The following PDK1 variants were observed in gnomAD, a reference collection of about 807,000 sequenced individuals.
PDK1 encodes [Pyruvate dehydrogenase (acetyl-transferring)] kinase isozyme 1, mitochondrial.
Under a neutral mutation model 54.2 loss-of-function variants are expected in PDK1, and 39 were observed. The ratio of observed to expected loss-of-function variants is 0.72; its 90% CI spans 0.56 to 0.94. The LOEUF is 0.94. PDK1 is among the 40% of genes least tolerant of loss of function. PDK1 has a pLI of 0.00. For synonymous variants in PDK1, 221 were observed against 207.1 expected (o/e 1.07, Z -0.58); for missense variants, 552 against 566.0 (o/e 0.98, Z 0.25).
chr2:172,617,343 G>T, the PDK1 span, among the ~76,000 whole-genome samples: 1 of 151,996 alleles, frequency 6.6e-6, no homozygotes, highest in East Asian at 1.9e-4. Context: ...CTTATTAAAT[G>T]AAATAATTTA....
chr2:172,561,083 A>G (rs906341112), intron 2 of PDK1, among the ~76,000 whole-genome samples: 10 of 152,264 alleles, frequency 6.6e-5, no homozygotes, highest in African/African-American at 2.4e-4. Flanking sequence ...ATAAGTGTGG[A>G]TTAAATGGGA....
chr2:172,695,928 T>C, the PDK1 span, among the ~76,000 whole-genome samples: 1 of 151,882 alleles, frequency 6.6e-6, no homozygotes, highest in Non-Finnish European at 1.5e-5. Context: ...ATCCCAGCAC[T>C]TTGGGAGGCT....
intron 8 of PDK1, among the ~76,000 whole-genome samples, chr2:172,581,730 G>A (rs1456821525): frequency 2.0e-5 from 3 of 151,786 alleles, no homozygotes; most frequent in African/African-American, 7.2e-5. Flanking sequence ...GCTTGGTTTT[G>A]TTTCTTCCCC....
chr2:172,595,142 C>T (rs1690819749), intron 10 of PDK1, among the ~76,000 whole-genome samples: 1 of 152,086 alleles, frequency 6.6e-6, no homozygotes, highest in South Asian at 2.1e-4. Context: ...AATCATAATT[C>T]ACTACAGCCT....
At chr2:172,687,261 GTTTC>G in the PDK1 span, among the ~76,000 whole-genome samples, 1 of 151,202 alleles carries the variant, frequency 6.6e-6, no homozygotes, top group Admixed American at 6.6e-5. Context: ...TGTCTATATT[GTTTC>G]TTCTCTGTAA....
chr2:172,573,505 GTA>G (rs71403316), intron 8 of PDK1, among the ~76,000 whole-genome samples: 2 of 150,460 alleles, frequency 1.3e-5, no homozygotes, highest in East Asian at 3.9e-4. Flanking sequence ...CTATGTGTGT[GTA>G]TATATATACA....
At position 172,607,429 on chromosome 2, in the gene PDK1, C is replaced by G. The variant is rs2149325640; in HGVS notation, c.*11460C>G. On this transcript the variant is annotated 3_prime_UTR_variant, in exon 11 of 11. Coordinates refer to ENST00000282077, the MANE Select transcript of PDK1 (RefSeq NM_002610.5). The stretch of plus-strand genomic sequence containing the variant: ...TCTCTAAGATGTAGTTTGAACCAGC[C>G]AAGGATGATGGCTTCAACATGTCTC... The G allele has an allele frequency of 6.6e-6, 1 of 152,310 alleles. No homozygotes were observed. Among genetic ancestry groups the G allele is most frequent in the South Asian group, 2.1e-4 (1 of 4,830 alleles). The allele number at this position is 152,310 out of a possible 1,614,324, so 9.4% of individuals were successfully genotyped here. A position where few individuals can be genotyped will look rare whatever the true frequency, so the allele number is the denominator to read the frequency against.
chr2:172,680,695 A>C, the PDK1 span, among the ~76,000 whole-genome samples: 2 of 152,094 alleles, frequency 1.3e-5, no homozygotes, highest in African/African-American at 4.8e-5. Flanking sequence ...TGTCTACAGG[A>C]ACCTGTCTGG....
At chr2:172,711,157 C>A in the PDK1 span, among the ~76,000 whole-genome samples, 1 of 152,146 alleles carries the variant, frequency 6.6e-6, no homozygotes, top group African/African-American at 2.4e-5. Context: ...AGCAATTGTC[C>A]TCACTGGCTG....
chr2:172,560,752 T>TC (rs1429384515), intron 2 of PDK1, among the ~76,000 whole-genome samples: 1 of 152,230 alleles, frequency 6.6e-6, no homozygotes, highest in African/African-American at 2.4e-5. Context: ...TGTGATCTCT[T>TC]CCCAAAGATA....
Position 172,603,256 on chromosome 2 carries a change from G to A in PDK1, c.*7287G>A, listed in dbSNP as rs1014157905. The A allele has an allele frequency of 6.6e-6, 1 of 152,176 alleles. No homozygotes were observed. Among genetic ancestry groups the A allele is most frequent in the African/African-American group, 2.4e-5 (1 of 41,434 alleles). 9.4% of individuals were successfully genotyped at this position (152,176 alleles called of 1,614,324 possible). A position where few individuals can be genotyped will look rare whatever the true frequency, so the allele number is the denominator to read the frequency against. On this transcript the variant is annotated 3_prime_UTR_variant, in exon 11 of 11. Coordinates refer to ENST00000282077, the MANE Select transcript of PDK1 (RefSeq NM_002610.5). ...CAGAGCAAATGGCAAGACAGATCTG[G>A]TAATCTGATTCTTAGAGTACTTAAA...
At chr2:172,616,439 AG>A in the PDK1 span, among the ~76,000 whole-genome samples, 1 of 152,230 alleles carries the variant, frequency 6.6e-6, no homozygotes, top group Non-Finnish European at 1.5e-5. Flanking sequence ...AGAACTCCCA[AG>A]AGACTGATAC....
chr2:172,568,608 G>C, intron 6 of PDK1, 133 bp from the exon 7 acceptor site: 1 of 634,126 alleles, frequency 1.6e-6, no homozygotes, highest in South Asian at 1.9e-5. Context: ...TGAAGAAATG[G>C]TGTGGCAGTT....
intron 8 of PDK1, among the ~76,000 whole-genome samples, chr2:172,582,281 C>T (rs1689954824): frequency 6.6e-6 from 1 of 152,192 alleles, no homozygotes; most frequent in African/African-American, 2.4e-5. Context: ...ACAGACTTAA[C>T]AGTGAAAACG....
the PDK1 span, among the ~76,000 whole-genome samples, chr2:172,672,247 T>C: frequency 6.6e-6 from 1 of 152,216 alleles, no homozygotes; most frequent in Admixed American, 6.5e-5. Context: ...AGTTTGAAAT[T>C]AGCATCATAC....
chr2:172,606,706 G>C lies in PDK1; in HGVS notation c.*10737G>C, dbSNP rs190412533. 26 of 150,184 alleles carry C rather than the reference G, an allele frequency of 1.7e-4. No homozygotes were observed. Among genetic ancestry groups the C allele is most frequent in the Middle Eastern group, 3.4e-3 (1 of 290 alleles). 9.3% of individuals were successfully genotyped at this position (150,184 alleles called of 1,614,324 possible). A position where few individuals can be genotyped will look rare whatever the true frequency, so the allele number is the denominator to read the frequency against. On this transcript the variant is annotated 3_prime_UTR_variant, in exon 11 of 11. Transcript: ENST00000282077. ...AGTGCTCTGTGGTAGCAGAGAGAATGGTGGTAGTTTATTTTTTCTTTCCTT... is the reference window on the plus strand; with the variant it reads ...AGTGCTCTGTGGTAGCAGAGAGAATCGTGGTAGTTTATTTTTTCTTTCCTT...
rs113191103 is a variant in PDK1, at chr2:172,586,137, C to T, written c.946-141C>T. The T allele has an allele frequency of 5.0e-3, 2,358 of 470,548 alleles. 9 individuals carry two copies. Among genetic ancestry groups the T allele is most frequent in the Non-Finnish European group, 7.6e-3 (1,949 of 256,896 alleles). The allele number at this position is 470,548 out of a possible 1,614,324, so 29.1% of individuals were successfully genotyped here. ...TCGCACCACTGCACTCCAGCCTGGG[C>T]GACAAAGCGAGACTCTGTCTCAAAA... On this transcript the variant is annotated intron_variant, in intron 8 of 10. Transcript: ENST00000282077.
chr2:172,701,114 A>T, the PDK1 span, among the ~76,000 whole-genome samples: 14 of 152,142 alleles, frequency 9.2e-5, no homozygotes, highest in African/African-American at 3.4e-4. Context: ...ATAGATGCAC[A>T]TGGTGTTAGA....
At chr2:172,589,983 T>C (rs183704940) in intron 9 of PDK1, among the ~76,000 whole-genome samples, 2 of 152,282 alleles carry the variant, frequency 1.3e-5, no homozygotes, top group East Asian at 3.9e-4. Flanking sequence ...AGACCTGATC[T>C]TACCAGGTCT....
Sources: allele counts gnomAD v4.1 joint callset (sites outside exome capture counted in the v4.1 genomes callset), GRCh38; gene constraint gnomAD v4.1.1; transcripts MANE v1.5; gene names NCBI Gene and HGNC (gene_info 2026-07-23, HGNC 2026-07-21).